PCCA: variants seen among roughly 807,000 people sequenced by gnomAD.
PCCA encodes propionyl-CoA carboxylase alpha chain, mitochondrial.
PCCA carries 74 observed loss-of-function variants against 101.3 expected under a neutral mutation model. The observed-to-expected ratio is 0.73, with a 90% confidence interval of 0.61 to 0.89. The LOEUF (loss-of-function observed/expected upper bound fraction) is 0.89, where lower values mean the gene tolerates loss of function less well. Among genes scored for constraint, PCCA ranks in the 40% least tolerant of loss-of-function variants. The probability of loss-of-function intolerance (pLI) is 0.00; values close to 1 mark genes in which losing one functional copy is unlikely to be tolerated. For missense variants in PCCA, 891 were observed against 907.0 expected (o/e 0.98, Z 0.23); for synonymous variants, 294 against 313.6 (o/e 0.94, Z 0.66).
chr13:100,369,677 A>AGTCCTT (rs2075438449), intron 19 of PCCA, among the ~76,000 whole-genome samples: 1 of 152,200 alleles, frequency 6.6e-6, no homozygotes, highest in Non-Finnish European at 1.5e-5. Flanking sequence ...CTGAAACGTT[A>AGTCCTT]GATACTGAAA....
At chr13:100,343,720 C>A (rs998332619) in intron 18 of PCCA, among the ~76,000 whole-genome samples, 2 of 152,096 alleles carry the variant, frequency 1.3e-5, no homozygotes, top group Non-Finnish European at 1.5e-5. Flanking sequence ...TTGATCTTAG[C>A]CAAAAGGCCG....
intron 6 of PCCA, among the ~76,000 whole-genome samples, chr13:100,206,762 C>T (rs1035325874): frequency 1.1e-4 from 16 of 152,288 alleles, no homozygotes; most frequent in Admixed American, 1.0e-3. Flanking sequence ...CCTCTCTTCC[C>T]TGAAGCAGGT....
intron 9 of PCCA, among the ~76,000 whole-genome samples, chr13:100,260,017 T>C (rs2062375030): frequency 6.6e-6 from 1 of 152,182 alleles, no homozygotes; most frequent in Non-Finnish European, 1.5e-5. Context: ...ACTTTTTACT[T>C]GTGGTGTTCT....
At chr13:100,382,294 G>A (rs754515084) in intron 19 of PCCA, among the ~76,000 whole-genome samples, 5 of 152,138 alleles carry the variant, frequency 3.3e-5, no homozygotes, top group Non-Finnish European at 7.3e-5. Context: ...GATTTTCTCC[G>A]GTTACTCCAT....
At chr13:100,472,112 AT>A (rs1193833182) in intron 21 of PCCA, among the ~76,000 whole-genome samples, 1 of 152,066 alleles carries the variant, frequency 6.6e-6, no homozygotes, top group African/African-American at 2.4e-5. Flanking sequence ...TGCGTTCCCT[AT>A]TTCTGTAAGC....
At chr13:100,202,486 G>GT (rs1338702389) in intron 6 of PCCA, among the ~76,000 whole-genome samples, 6,346 of 130,158 alleles carry the variant, frequency 0.049, 187 homozygotes, top group Admixed American at 0.078. Flanking sequence ...ACCTATTCCT[G>GT]TTTTTTTTTT....
At chr13:100,199,214 G>T (rs911996460) in intron 6 of PCCA, among the ~76,000 whole-genome samples, 2 of 152,210 alleles carry the variant, frequency 1.3e-5, no homozygotes, top group Non-Finnish European at 2.9e-5. Flanking sequence ...CTGGAAAGCT[G>T]TGTGACCCAT....
chr13:100,110,716 TC>T (rs2080016094), intron 2 of PCCA, among the ~76,000 whole-genome samples: 1 of 152,232 alleles, frequency 6.6e-6, no homozygotes, highest in Non-Finnish European at 1.5e-5. Flanking sequence ...GTATCAGACT[TC>T]CCTTTGAAAA....
At chr13:100,391,263 C>G (rs2076786676) in intron 19 of PCCA, among the ~76,000 whole-genome samples, 1 of 152,198 alleles carries the variant, frequency 6.6e-6, no homozygotes, top group African/African-American at 2.4e-5. Flanking sequence ...TGAACCACCA[C>G]ACCCAGCCTC....
At chr13:100,463,603 T>C (rs1346237367) in intron 21 of PCCA, among the ~76,000 whole-genome samples, 1 of 152,104 alleles carries the variant, frequency 6.6e-6, no homozygotes, top group Non-Finnish European at 1.5e-5. Flanking sequence ...GAGACATCTA[T>C]GATATAAGGG....
intron 21 of PCCA, among the ~76,000 whole-genome samples, chr13:100,457,215 A>G (rs144242837): frequency 0.1 from 15,730 of 152,228 alleles, 1,362 homozygotes; most frequent in African/African-American, 0.23. Context: ...TCTAATTTGT[A>G]TTATGACTAT....
chr13:100,338,678 A>C (rs1016319254), intron 17 of PCCA, among the ~76,000 whole-genome samples: 2 of 149,174 alleles, frequency 1.3e-5, no homozygotes, highest in Admixed American at 1.4e-4. Context: ...TGCCCATAAG[A>C]GTATGGTTTA....
intron 18 of PCCA, among the ~76,000 whole-genome samples, chr13:100,363,487 C>T (rs1399093662): frequency 6.6e-6 from 1 of 152,124 alleles, no homozygotes; most frequent in African/African-American, 2.4e-5. Context: ...CATATCTTTT[C>T]ACCGTGCTGG....
chr13:100,435,796 C>T (rs759351112), intron 20 of PCCA, among the ~76,000 whole-genome samples: 1 of 152,162 alleles, frequency 6.6e-6, no homozygotes, highest in Non-Finnish European at 1.5e-5. Flanking sequence ...GTAATCCCAG[C>T]ACTTTGGGAG....
intron 4 of PCCA, among the ~76,000 whole-genome samples, chr13:100,145,312 G>A (rs2052398652): frequency 6.6e-6 from 1 of 152,128 alleles, no homozygotes; most frequent in Admixed American, 6.5e-5. Context: ...CACACTAGAG[G>A]GTTTTTAGCA....
chr13:100,472,072 C>T (rs150158735), intron 21 of PCCA, among the ~76,000 whole-genome samples: 353 of 152,278 alleles, frequency 2.3e-3, no homozygotes, highest in Non-Finnish European at 4.0e-3. Flanking sequence ...CAGTGGAATA[C>T]AAGGGCTTTT....
chr13:100,506,247 C>T (rs1037027172), intron 21 of PCCA, among the ~76,000 whole-genome samples: 1 of 151,980 alleles, frequency 6.6e-6, no homozygotes, highest in African/African-American at 2.4e-5. Flanking sequence ...GTACACAGCA[C>T]AGCATGAGGG....
At chr13:100,374,566 A>G (rs946077358) in intron 19 of PCCA, among the ~76,000 whole-genome samples, 4 of 152,198 alleles carry the variant, frequency 2.6e-5, no homozygotes, top group African/African-American at 7.2e-5. Flanking sequence ...CACAGTTAAT[A>G]TCTTAAAGAT....
rs146150923 is a variant in PCCA at position 100,194,747 on chromosome 13, C to T, written c.469-14585C>T. The stretch of plus-strand genomic sequence containing the variant: ...AAATTAAATTTAATATCTGATCTGA[C>T]GGACTAAACAAAAGATCTCTTGCCT... On this transcript the variant is annotated intron_variant, in intron 6 of 23. Coordinates refer to ENST00000376285, the MANE Select transcript of PCCA (RefSeq NM_000282.4). Among the ~76,000 whole-genome samples the T allele has an allele frequency of 1.8e-3, 276 of 152,216 alleles. 2 individuals carry two copies. The highest frequency in any genetic ancestry group is 6.3e-3 in the African/African-American group (262 of 41,534).
Sources: allele counts gnomAD v4.1 joint callset (sites outside exome capture counted in the v4.1 genomes callset), GRCh38; gene constraint gnomAD v4.1.1; transcripts MANE v1.5; gene names NCBI Gene and HGNC (gene_info 2026-07-23, HGNC 2026-07-21).